Variants in MCCC2 observed in about 807,000 individuals in gnomAD.
The protein encoded by MCCC2 is methylcrotonoyl-CoA carboxylase beta chain, mitochondrial.
A neutral mutation model predicts 77.2 loss-of-function variants in MCCC2; 52 were observed. The observed-to-expected ratio is 0.67, with a 90% CI of 0.54 to 0.85. MCCC2 has a LOEUF of 0.85. Ranked by LOEUF, MCCC2 falls within the 40% of genes least tolerant of loss-of-function variation. The pLI, the probability that MCCC2 is intolerant of heterozygous loss-of-function variation, is 0.00. For synonymous variants in MCCC2, 253 were observed against 248.4 expected, an observed-to-expected ratio of 1.02 and a Z score of -0.18; for missense variants, 682 against 703.2, an observed-to-expected ratio of 0.97 and a Z score of 0.34.
At chr5:71,652,632 A>G (rs1171779256) in intron 15 of MCCC2, 37 bp from the exon 16 acceptor site, 1 of 1,544,410 alleles carries the variant, frequency 6.5e-7, no homozygotes. Flanking sequence ...CCAGTTGTTC[A>G]CTGAAGCTGA....
rs181715322 is a variant in MCCC2 at position 71,650,503 on chromosome 5, C to T, written c.1488+320C>T. On this transcript the variant is annotated intron_variant, in intron 15 of 16. Transcript: ENST00000340941. Reference sequence around the variant, plus strand: ...TTTTTGAGACAGAGTCTCGCTCTGTCACCCAGGCTGGAGTGGAGTGCCGCA... The same window carrying T: ...TTTTTGAGACAGAGTCTCGCTCTGTTACCCAGGCTGGAGTGGAGTGCCGCA... 2.4e-3 allele frequency among the ~76,000 whole-genome samples: 367 copies of T among 152,180 alleles called. 3 individuals carry two copies. Among genetic ancestry groups the T allele is most frequent in the African/African-American group, 8.4e-3 (349 of 41,536 alleles).
intron 6 of MCCC2, among the ~76,000 whole-genome samples, chr5:71,619,438 G>A (rs1746289386): frequency 6.6e-6 from 1 of 151,900 alleles, no homozygotes; most frequent in African/African-American, 2.4e-5. Flanking sequence ...TTTTATTTTT[G>A]TAGAGATGGA....
intron 7 of MCCC2, among the ~76,000 whole-genome samples, chr5:71,629,098 C>T (rs1008775864): frequency 6.6e-6 from 1 of 151,786 alleles, no homozygotes; most frequent in Non-Finnish European, 1.5e-5. Context: ...CCCAGCTACT[C>T]TGGAGGCTGA....
At chr5:71,650,711 C>G (rs948223594) in intron 15 of MCCC2, among the ~76,000 whole-genome samples, 12 of 152,070 alleles carry the variant, frequency 7.9e-5, no homozygotes, top group Admixed American at 1.3e-4. Context: ...TGCAGTGGCA[C>G]GATCTCGGCT....
rs1467574687 is a variant in MCCC2 at position 71,587,532 on chromosome 5, A to T, written c.107A>T (p.Asp36Val). The T allele has an allele frequency of 6.5e-7, 1 of 1,538,070 alleles. No individual in the cohort carries two copies. The highest frequency in any genetic ancestry group is 1.4e-5 in the African/African-American group (1 of 73,246). The change falls in exon 1 of 17, where the codon GAC (aspartate) becomes GTC (valine). Residue 36 changes from aspartate to valine, a missense_variant. Coordinates refer to ENST00000340941, the MANE Select transcript of MCCC2 (RefSeq NM_022132.5). ...GTGGCCTCGCTGGGCACCCAGCCGGACTTGGGCTCTGCCCTCTACCAGGTA... is the reference window on the plus strand; with the variant it reads ...GTGGCCTCGCTGGGCACCCAGCCGGTCTTGGGCTCTGCCCTCTACCAGGTA... ...DSVASLGTQP[D>V]LGSALYQENY...
At chr5:71,638,187 T>C (rs1746996173) in intron 10 of MCCC2, among the ~76,000 whole-genome samples, 1 of 152,224 alleles carries the variant, frequency 6.6e-6, no homozygotes, top group Non-Finnish European at 1.5e-5. Context: ...AAGAAGCAGC[T>C]CCTCATCTGT....
chr5:71,594,816 C>A (rs1745110642), intron 2 of MCCC2, among the ~76,000 whole-genome samples: 1 of 152,024 alleles, frequency 6.6e-6, no homozygotes. Context: ...CCTAATAAAA[C>A]CAGAATTCAC....
At chr5:71,589,379 G>T (rs545886711) in intron 1 of MCCC2, among the ~76,000 whole-genome samples, 1 of 152,346 alleles carries the variant, frequency 6.6e-6, no homozygotes, top group South Asian at 2.1e-4. Flanking sequence ...TCTCACTCGT[G>T]TTGGTGGCCT....
At chr5:71,651,189 T>C (rs1010559370) in intron 15 of MCCC2, among the ~76,000 whole-genome samples, 7 of 152,256 alleles carry the variant, frequency 4.6e-5, no homozygotes, top group African/African-American at 7.2e-5. Context: ...ACTTTGATTT[T>C]ATGACCAAAA....
Position 71,641,815 on chromosome 5 carries a change from A to G in MCCC2, c.1072+740A>G, listed in dbSNP as rs117404885. ...GGAAAAAAACTAGCTGCAGAAATCC[A>G]AATTGCAAATATACATTGAGGCTTA... On this transcript the variant is annotated intron_variant, in intron 11 of 16. Transcript: ENST00000340941. Among the ~76,000 whole-genome samples, 81 of 152,358 alleles carry G rather than the reference A, an allele frequency of 5.3e-4. No homozygotes were observed. In the East Asian group the frequency reaches 0.012, roughly 22 times the overall value.
chr5:71,593,031 T>G (rs749697602), intron 2 of MCCC2, 39 bp downstream of exon 2: 1 of 1,470,732 alleles, frequency 6.8e-7, no homozygotes, highest in Non-Finnish European at 9.5e-7. Context: ...TGCCTTTACT[T>G]AAGATGTCCT....
chr5:71,621,658 T>C (rs1230005812), intron 6 of MCCC2, among the ~76,000 whole-genome samples: 2 of 152,184 alleles, frequency 1.3e-5, no homozygotes, highest in Admixed American at 6.5e-5. Flanking sequence ...CTCTTTTATC[T>C]CTGTTTTTTA....
chr5:71,607,967 A>C (rs1415561486), intron 6 of MCCC2, among the ~76,000 whole-genome samples: 1 of 141,238 alleles, frequency 7.1e-6, no homozygotes. Context: ...CTGTTCTTTT[A>C]CATTTGCTGA....
intron 4 of MCCC2, among the ~76,000 whole-genome samples, chr5:71,600,616 T>G (rs1434906348): frequency 1.1e-4 from 16 of 152,204 alleles, no homozygotes; most frequent in Admixed American, 8.5e-4. Context: ...TTGACCTTTC[T>G]TACATAAAAA....
chr5:71,647,878 C>T (rs1039894462), intron 13 of MCCC2, among the ~76,000 whole-genome samples: 2 of 151,126 alleles, frequency 1.3e-5, no homozygotes, highest in Non-Finnish European at 2.9e-5. Flanking sequence ...TTTGAGAAAG[C>T]GAAGTGAGAT....
At chr5:71,649,386 C>T (rs1747370635) in intron 14 of MCCC2, 133 bp downstream of exon 14, 3 of 879,792 alleles carry the variant, frequency 3.4e-6, no homozygotes, top group Non-Finnish European at 3.6e-6. Flanking sequence ...TAATTTGTAT[C>T]ATTTGGAGGG....
chr5:71,618,525 C>CTTCT (rs1746254374), intron 6 of MCCC2, among the ~76,000 whole-genome samples: 1 of 62,354 alleles, frequency 1.6e-5, no homozygotes, highest in Admixed American at 2.8e-4. Context: ...TCCTTCCTTC[C>CTTCT]TTCCTTCCTT....
At chr5:71,624,693 C>CTTTTTTTT (rs36140678) in intron 6 of MCCC2, among the ~76,000 whole-genome samples, 1 of 101,900 alleles carries the variant, frequency 9.8e-6, no homozygotes, top group African/African-American at 4.1e-5. Flanking sequence ...TTCTTTCTTT[C>CTTTTTTTT]TTTTTTTTTT....
At position 71,658,625 on chromosome 5, in the gene MCCC2, CAT is replaced by C. The variant is rs1233415075; in HGVS notation, c.*1767_*1768del. 6.6e-6 allele frequency: 1 copy of C among 152,158 alleles called. No homozygotes were observed. The highest frequency in any genetic ancestry group is 1.9e-4 in the East Asian group (1 of 5,202). The allele number at this position is 152,158 out of a possible 1,614,324, so 9.4% of individuals were successfully genotyped here. A position where few individuals can be genotyped will look rare whatever the true frequency, so the allele number is the denominator to read the frequency against. On this transcript the variant is annotated 3_prime_UTR_variant, in exon 17 of 17. Coordinates refer to ENST00000340941, the MANE Select transcript of MCCC2 (RefSeq NM_022132.5). ...TATTGTAATTGATGTCCTCTGGCCA[CAT>C]AGTTTTAAAATTAGGTGATTGATTA...
Sources: allele counts gnomAD v4.1 joint callset (sites outside exome capture counted in the v4.1 genomes callset), GRCh38; gene constraint gnomAD v4.1.1; transcripts MANE v1.5; gene names NCBI Gene and HGNC (gene_info 2026-07-23, HGNC 2026-07-21).